The following NRP1 variants were observed in gnomAD, a reference collection of about 807,000 sequenced individuals.
NRP1 encodes neuropilin-1.
A neutral mutation model predicts 106.7 loss-of-function variants in NRP1; 35 were observed. The ratio of observed to expected loss-of-function variants is 0.33; its 90% CI spans 0.25 to 0.43. NRP1 has a LOEUF of 0.43. NRP1 is among the 20% of genes least tolerant of loss of function. NRP1 has a pLI of 1.00. For missense variants in NRP1, 1,024 were observed against 1,170.4 expected, an observed-to-expected ratio of 0.87 and a Z score of 1.83; for synonymous variants, 437 against 417.9, an observed-to-expected ratio of 1.05 and a Z score of -0.56.
At position 33,180,004 on chromosome 10, in the gene NRP1, A is replaced by G; in HGVS notation, c.*72T>C. 1.3e-6 allele frequency: 2 copies of G among 1,498,876 alleles called. No homozygotes were observed. The highest frequency in any genetic ancestry group is 1.8e-6 in the Non-Finnish European group (2 of 1,093,696). 92.8% of individuals were successfully genotyped at this position (1,498,876 alleles called of 1,614,324 possible). A position where few individuals can be genotyped will look rare whatever the true frequency, so the allele number is the denominator to read the frequency against. On this transcript the variant is annotated 3_prime_UTR_variant, in exon 17 of 17. Transcript: ENST00000374867. ...CACTTCCCAGCCTGTATAGTGAAAG[A>G]TCAACAGCTCCCCAGCTCACTCCCG...
At chr10:33,294,269 T>C (rs528698063) in intron 2 of NRP1, among the ~76,000 whole-genome samples, 7 of 152,308 alleles carry the variant, frequency 4.6e-5, no homozygotes, top group African/African-American at 1.4e-4. Flanking sequence ...TTCCTGCAAA[T>C]GTGCATCACT....
chr10:33,192,497 G>T, intron 12 of NRP1, 79 bp from the exon 13 acceptor site: 1 of 1,473,998 alleles, frequency 6.8e-7, no homozygotes, highest in Non-Finnish European at 9.3e-7. Flanking sequence ...AAGGCCCTTG[G>T]TTCACTCATG....
intron 8 of NRP1, among the ~76,000 whole-genome samples, chr10:33,215,623 G>A (rs1279418060): frequency 6.6e-6 from 1 of 152,132 alleles, no homozygotes; most frequent in South Asian, 2.1e-4. Flanking sequence ...TCAATTCTGC[G>A]TTATATAATA....
rs749575467 is a variant in NRP1, at chr10:33,213,517, C to T, written c.1483G>A (p.Val495Met). The T allele has an allele frequency of 6.7e-5, 108 of 1,613,968 alleles. No individual in the cohort carries two copies. The Middle Eastern group carries it at 8.2e-4, about 12-fold the overall frequency. The stretch of plus-strand genomic sequence containing the variant: ...CCACCCTGAATGATGATGCCCCTCA[C>T]GATCTTCTCCTCCCCCAGGTCTATT... ...LQIDLGEEKI[V>M]RGIIIQGGKH... Residue 495 changes from valine (V) to methionine (M), a missense_variant, in exon 9 of 17, where the codon GTG (valine) becomes ATG (methionine). By Grantham distance (21) the Val-to-Met change is conservative. Transcript: ENST00000374867.
rs61760433 is a variant in NRP1, at chr10:33,185,228, C to T, written c.2431+400G>A. Among the ~76,000 whole-genome samples the T allele has an allele frequency of 8.0e-3, 1,219 of 152,302 alleles. 7 individuals are homozygous for T. Among genetic ancestry groups the T allele is most frequent in the Non-Finnish European group, 0.013 (879 of 68,008 alleles). ...CAATGCATTCTTAATTAAACTTATT[C>T]TGATCAAAGTTTTCAGAGGCCTGCT... On this transcript the variant is annotated intron_variant, in intron 15 of 16. Coordinates refer to ENST00000374867, the MANE Select transcript of NRP1 (RefSeq NM_003873.7).
intron 2 of NRP1, among the ~76,000 whole-genome samples, chr10:33,329,750 G>A (rs181634644): frequency 6.6e-6 from 1 of 152,090 alleles, no homozygotes; most frequent in East Asian, 1.9e-4. Flanking sequence ...AGTCTCTGGA[G>A]ACTACACCAC....
At chr10:33,308,305 C>T (rs1316107692) in intron 2 of NRP1, among the ~76,000 whole-genome samples, 1 of 151,396 alleles carries the variant, frequency 6.6e-6, no homozygotes, top group Non-Finnish European at 1.5e-5. Flanking sequence ...ACACTAAACC[C>T]TTGTGACATG....
chr10:33,244,388 T>C (rs1841262030), intron 6 of NRP1, among the ~76,000 whole-genome samples: 1 of 152,182 alleles, frequency 6.6e-6, no homozygotes, highest in Non-Finnish European at 1.5e-5. Context: ...ATCAACAAAC[T>C]CCACCAAAGG....
chr10:33,289,270 C>T (rs1844809811), intron 2 of NRP1, among the ~76,000 whole-genome samples: 1 of 152,056 alleles, frequency 6.6e-6, no homozygotes, highest in African/African-American at 2.4e-5. Context: ...ATAAAAATAG[C>T]CATAATGACA....
chr10:33,311,254 A>G (rs1846588898), intron 2 of NRP1, among the ~76,000 whole-genome samples: 1 of 152,214 alleles, frequency 6.6e-6, no homozygotes, highest in South Asian at 2.1e-4. Flanking sequence ...TTACAAGTAG[A>G]GAGCACCAGC....
chr10:33,316,913 G>T, intron 2 of NRP1, among the ~76,000 whole-genome samples: 1 of 152,212 alleles, frequency 6.6e-6, no homozygotes, highest in East Asian at 1.9e-4. Context: ...AGAAAGTGGA[G>T]TTCTGAACTG....
chr10:33,209,426 A>T (rs2038407), intron 9 of NRP1, among the ~76,000 whole-genome samples: 18,601 of 152,160 alleles, frequency 0.12, 1,450 homozygotes, highest in Admixed American at 0.22. Flanking sequence ...CCTTAACCAC[A>T]CCACGATGCT....
intron 6 of NRP1, among the ~76,000 whole-genome samples, chr10:33,248,846 G>T (rs1444176271): frequency 6.6e-6 from 1 of 152,124 alleles, no homozygotes; most frequent in Admixed American, 6.5e-5. Flanking sequence ...AACAGGATGT[G>T]GTTTAGAAGT....
intron 1 of NRP1, among the ~76,000 whole-genome samples, chr10:33,331,983 A>G (rs1211118240): frequency 6.6e-6 from 1 of 152,230 alleles, no homozygotes; most frequent in Non-Finnish European, 1.5e-5. Flanking sequence ...CATCTAATAG[A>G]TTCCCTGTGG....
At chr10:33,286,364 G>C (rs1460385349) in intron 2 of NRP1, among the ~76,000 whole-genome samples, 1 of 152,178 alleles carries the variant, frequency 6.6e-6, no homozygotes, top group Admixed American at 6.5e-5. Context: ...CTTCCCCTCT[G>C]TGTTCTTATC....
chr10:33,280,211 G>A (rs1255769282), intron 2 of NRP1, among the ~76,000 whole-genome samples: 1 of 152,088 alleles, frequency 6.6e-6, no homozygotes, highest in Non-Finnish European at 1.5e-5. Context: ...GGAAGATTTT[G>A]TTTTTTAAAA....
intron 8 of NRP1, among the ~76,000 whole-genome samples, chr10:33,213,962 G>T (rs898892154): frequency 6.6e-6 from 1 of 151,990 alleles, no homozygotes; most frequent in African/African-American, 2.4e-5. Context: ...CATTTCCCCC[G>T]CTTTGACATC....
At chr10:33,223,083 A>G (rs1839385349) in intron 7 of NRP1, among the ~76,000 whole-genome samples, 1 of 152,212 alleles carries the variant, frequency 6.6e-6, no homozygotes. Context: ...TCGTGCATTC[A>G]GCACTATGCT....
intron 7 of NRP1, among the ~76,000 whole-genome samples, chr10:33,222,569 G>A (rs1239546961): frequency 2.0e-5 from 3 of 151,858 alleles, no homozygotes; most frequent in Non-Finnish European, 4.4e-5. Context: ...TAGCCAGGCT[G>A]GAGTGCAGTG....
Sources: gnomAD v4.1 joint callset for allele counts (sites outside exome capture counted in the v4.1 genomes callset) on GRCh38, gnomAD v4.1.1 for gene constraint, MANE v1.5 for transcripts, NCBI Gene and HGNC (gene_info 2026-07-23, HGNC 2026-07-21) for gene names.